PAM: variants seen among roughly 807,000 people sequenced by gnomAD.
The protein encoded by PAM is peptidyl-glycine alpha-amidating monooxygenase.
In PAM, 72 loss-of-function variants were observed where a neutral mutation model predicts 122.1. That is an observed-to-expected ratio of 0.59 (90% CI 0.49 to 0.72). The LOEUF (loss-of-function observed/expected upper bound fraction) is 0.72. Ranked by LOEUF, PAM falls within the 30% of genes least tolerant of loss-of-function variation. PAM has a pLI of 0.00. For synonymous variants in PAM, 389 were observed against 404.4 expected, an observed-to-expected ratio of 0.96 and a Z score of 0.46; for missense variants, 1,106 against 1,183.7, an observed-to-expected ratio of 0.93 and a Z score of 0.96.
At chr5:102,930,010 G>C (rs780576017) in intron 7 of PAM, among the ~76,000 whole-genome samples, 4 of 152,020 alleles carry the variant, frequency 2.6e-5, no homozygotes, top group Non-Finnish European at 4.4e-5. Context: ...ATCTTCCTTA[G>C]TATGAAAAGA....
chr5:102,907,099 A>G (rs574457306), intron 4 of PAM, among the ~76,000 whole-genome samples: 2 of 151,704 alleles, frequency 1.3e-5, no homozygotes, highest in African/African-American at 4.8e-5. Context: ...AGGTTTGCTC[A>G]GGTGTCTTAT....
chr5:102,983,035 A>G (rs183144233), intron 15 of PAM, among the ~76,000 whole-genome samples: 2 of 152,288 alleles, frequency 1.3e-5, no homozygotes, highest in East Asian at 3.9e-4. Flanking sequence ...AGAGTGAAAC[A>G]GAAATCCTGG....
chr5:103,005,770 A>C (rs1307747996), intron 18 of PAM, among the ~76,000 whole-genome samples: 1 of 152,224 alleles, frequency 6.6e-6, no homozygotes, highest in Non-Finnish European at 1.5e-5. Context: ...ACTCAATGCT[A>C]GGGAAAGCTA....
At chr5:102,864,184 A>ATTTT (rs201056087) in intron 1 of PAM, among the ~76,000 whole-genome samples, 1 of 133,696 alleles carries the variant, frequency 7.5e-6, no homozygotes, top group African/African-American at 2.9e-5. Flanking sequence ...ATATATATAT[A>ATTTT]TTTTTTTTTT....
chr5:102,916,499 A>G (rs753354194), intron 5 of PAM, among the ~76,000 whole-genome samples: 15 of 151,774 alleles, frequency 9.9e-5, no homozygotes, highest in Admixed American at 2.0e-4. Flanking sequence ...GTTATTCATC[A>G]TCTTTTAACC....
chr5:102,983,287 TAATAAA>T (rs1191992942), intron 15 of PAM, among the ~76,000 whole-genome samples: 1 of 151,552 alleles, frequency 6.6e-6, no homozygotes, highest in Non-Finnish European at 1.5e-5. Flanking sequence ...CTACTAAAAA[TAATAAA>T]AATAAAACTA....
intron 15 of PAM, among the ~76,000 whole-genome samples, chr5:102,989,081 T>A (rs1773148634): frequency 6.6e-6 from 1 of 152,198 alleles, no homozygotes; most frequent in Admixed American, 6.5e-5. Context: ...TGTTGAAGAA[T>A]TTGGGAGGGA....
At chr5:103,026,084 G>T (rs778737896) in intron 24 of PAM, among the ~76,000 whole-genome samples, 2 of 152,132 alleles carry the variant, frequency 1.3e-5, no homozygotes, top group Admixed American at 6.5e-5. Flanking sequence ...ACTGAACAAG[G>T]CAGAGTCCAA....
intron 1 of PAM, among the ~76,000 whole-genome samples, chr5:102,860,738 A>G (rs149451457): frequency 1.5e-3 from 235 of 152,156 alleles, no homozygotes; most frequent in Non-Finnish European, 2.4e-3. Context: ...TTAATTATAA[A>G]GGGGAAAAAA....
intron 25 of PAM, among the ~76,000 whole-genome samples, chr5:103,028,493 C>G (rs1785634938): frequency 6.6e-6 from 1 of 152,094 alleles, no homozygotes; most frequent in South Asian, 2.1e-4. Context: ...TTTTACCTGG[C>G]TTCATTTGTC....
chr5:103,007,138 A>G (rs1046999638), intron 19 of PAM, 127 bp downstream of exon 19: 4 of 641,744 alleles, frequency 6.2e-6, no homozygotes, highest in Admixed American at 5.8e-5. Context: ...AACCTGGGTC[A>G]TTGTATGCAT....
chr5:102,962,948 G>T (rs1762934040), intron 14 of PAM, among the ~76,000 whole-genome samples: 1 of 151,422 alleles, frequency 6.6e-6, no homozygotes, highest in South Asian at 2.1e-4. Flanking sequence ...TTATTTTCCT[G>T]CAGTTTCTAT....
chr5:102,920,260 A>G (rs1746942561), intron 5 of PAM, among the ~76,000 whole-genome samples: 1 of 152,060 alleles, frequency 6.6e-6, no homozygotes, highest in South Asian at 2.1e-4. Context: ...GGCATGTAGA[A>G]GGGATAGCTA....
chr5:102,966,220 A>G (rs112780726), intron 14 of PAM, among the ~76,000 whole-genome samples: 1 of 152,190 alleles, frequency 6.6e-6, no homozygotes, highest in African/African-American at 2.4e-5. Context: ...TCATCTATCA[A>G]ACACAATTCT....
At position 102,946,729 on chromosome 5, in the gene PAM, T is replaced by C. The variant is rs535259043; in HGVS notation, c.527-108T>C. 7 of 714,698 alleles carry C rather than the reference T, an allele frequency of 9.8e-6. No homozygotes were observed. The South Asian group carries it at 1.1e-4, about 11-fold the overall frequency. The allele number at this position is 714,698 out of a possible 1,614,324, so 44.3% of individuals were successfully genotyped here. On this transcript the variant is annotated intron_variant, in intron 7 of 25. Coordinates refer to ENST00000438793, the MANE Select transcript of PAM (RefSeq NM_001177306.2). Reference sequence around the variant, plus strand: ...CATAAAGAACCATACAGATGAAACATAACTTGTGTTTTAAAATATTTGGTT... The same window carrying C: ...CATAAAGAACCATACAGATGAAACACAACTTGTGTTTTAAAATATTTGGTT...
At chr5:102,883,632 T>G (rs1450032870) in intron 3 of PAM, among the ~76,000 whole-genome samples, 4 of 152,004 alleles carry the variant, frequency 2.6e-5, no homozygotes, top group Non-Finnish European at 5.9e-5. Context: ...TAGGGTTTTC[T>G]AAGTATACGA....
chr5:102,949,126 T>C (rs116668282), intron 9 of PAM, among the ~76,000 whole-genome samples: 1 of 152,110 alleles, frequency 6.6e-6, no homozygotes, highest in Non-Finnish European at 1.5e-5. Flanking sequence ...AGGAACAGTA[T>C]GAAATGGCCT....
At chr5:102,998,901 C>T (rs1178130377) in intron 16 of PAM, among the ~76,000 whole-genome samples, 1 of 152,120 alleles carries the variant, frequency 6.6e-6, no homozygotes, top group Non-Finnish European at 1.5e-5. Context: ...TCTCATGCTG[C>T]TAATAAAGAC....
intron 14 of PAM, among the ~76,000 whole-genome samples, chr5:102,971,265 C>A (rs991417230): frequency 7.2e-5 from 11 of 152,142 alleles, no homozygotes; most frequent in Non-Finnish European, 1.5e-4. Context: ...TTTAGTGACA[C>A]CTACTTTATG....
Sources: gnomAD v4.1 joint callset for allele counts (sites outside exome capture counted in the v4.1 genomes callset) on GRCh38, gnomAD v4.1.1 for gene constraint, MANE v1.5 for transcripts, NCBI Gene and HGNC (gene_info 2026-07-23, HGNC 2026-07-21) for gene names.